Variants in CMYA5 observed in about 807,000 individuals in gnomAD.
The protein encoded by CMYA5 is cardiomyopathy associated 5.
CMYA5 carries 246 observed loss-of-function variants against 318.9 expected under a neutral mutation model. The ratio of observed to expected loss-of-function variants is 0.77; its 90% CI spans 0.70 to 0.86. CMYA5 has a LOEUF of 0.86. Ranked by LOEUF, CMYA5 falls within the 40% of genes least tolerant of loss-of-function variation. The probability of loss-of-function intolerance (pLI) is 0.00; values close to 1 mark genes in which losing one functional copy is unlikely to be tolerated. For synonymous variants in CMYA5, 1,641 were observed against 1,729.5 expected (o/e 0.95, Z 1.27); for missense variants, 4,589 against 4,678.2 (o/e 0.98, Z 0.56).
At position 79,709,063 on chromosome 5, in the gene CMYA5, G is replaced by A. The variant is rs756191735; in HGVS notation, c.149+19007G>A. ...CAGAGAAGAAAGTGAGGTAAGAGCC[G>A]GCTCAGTGACACTTTGGTTTTCTAC... On this transcript the variant is annotated intron_variant, in intron 1 of 12. Transcript: ENST00000446378. Among the ~76,000 whole-genome samples the A allele has an allele frequency of 9.2e-5, 14 of 152,178 alleles. No homozygotes were observed. In the East Asian group the frequency reaches 1.4e-3, roughly 15 times the overall value.
At chr5:79,752,538 CT>C in intron 5 of CMYA5, 137 bp from the exon 6 acceptor site, 2 of 529,986 alleles carry the variant, frequency 3.8e-6, no homozygotes, top group Non-Finnish European at 3.3e-6. Context: ...GCTTTAAATC[CT>C]TTTTTGGATA....
Position 79,791,082 on chromosome 5 carries a change from A to G in CMYA5, c.11789+13A>G, listed in dbSNP as rs948459349. 3 of 1,593,160 alleles carry G rather than the reference A, an allele frequency of 1.9e-6. No homozygotes were observed. The highest frequency in any genetic ancestry group is 2.7e-5 in the African/African-American group (2 of 74,532). On this transcript the variant is annotated intron_variant, in intron 11 of 12. Transcript: ENST00000446378. ...GACGGCTGACGGAGTAAGTAGAAGAAGAAAGCACAAGTGGGCTGATGGCCC... is the reference window on the plus strand; with the variant it reads ...GACGGCTGACGGAGTAAGTAGAAGAGGAAAGCACAAGTGGGCTGATGGCCC...
chr5:79,741,444 C>T (rs2151089363), intron 2 of CMYA5, among the ~76,000 whole-genome samples: 1 of 152,258 alleles, frequency 6.6e-6, no homozygotes, highest in Middle Eastern at 3.4e-3. Flanking sequence ...AATTATCAGA[C>T]TCATTTTGAT....
At chr5:79,743,779 C>A (rs946869782) in intron 2 of CMYA5, 48 bp from the exon 3 acceptor site, 2 of 1,013,440 alleles carry the variant, frequency 2.0e-6, no homozygotes, top group Admixed American at 2.7e-5. Context: ...GGTTGAAGTT[C>A]TCTTCCTAAA....
intron 1 of CMYA5, among the ~76,000 whole-genome samples, chr5:79,699,808 T>A (rs1039847926): frequency 6.6e-6 from 1 of 152,224 alleles, no homozygotes; most frequent in Non-Finnish European, 1.5e-5. Flanking sequence ...TTAACCGTGT[T>A]GACTTATAAA....
At chr5:79,728,318 C>CTT (rs758781705) in intron 1 of CMYA5, among the ~76,000 whole-genome samples, 7 of 130,500 alleles carry the variant, frequency 5.4e-5, no homozygotes, top group African/African-American at 1.4e-4. Context: ...TTTTGAACAT[C>CTT]TTTTTTTTTT....
At chr5:79,739,643 C>T (rs1828171251) in intron 2 of CMYA5, among the ~76,000 whole-genome samples, 1 of 151,890 alleles carries the variant, frequency 6.6e-6, no homozygotes, top group Non-Finnish European at 1.5e-5. Flanking sequence ...CAACCAACCG[C>T]AGATCAAATA....
rs373246769 is a variant in CMYA5, at chr5:79,752,759, C to T, written c.11075C>T (p.Ser3692Leu). 21 of 1,613,360 alleles carry T rather than the reference C, an allele frequency of 1.3e-5. No homozygotes were observed. Among genetic ancestry groups the T allele is most frequent in the African/African-American group, 8.0e-5 (6 of 74,866 alleles). Residue 3692 changes from serine (S) to leucine (L), a missense_variant, in exon 6 of 13, where the codon TCG becomes TTG. Ser to Leu is a moderately radical substitution (Grantham distance 145). This residue lies in a region of CMYA5 where 2,431 missense variants were observed against 2,495.1 expected (regional missense o/e 0.97). Transcript: ENST00000446378. ...CTTTTCGAACATTATGATGACAGCT[C>T]GGCAAGAAGTGACCAGATGTTAAAA... ...FSLFEHYDDS[S>L]ARSDQMLKQV...
chr5:79,748,055 A>G (rs1828360619), intron 5 of CMYA5, among the ~76,000 whole-genome samples: 2 of 152,204 alleles, frequency 1.3e-5, no homozygotes, highest in Non-Finnish European at 1.5e-5. Context: ...ATTCAACAGA[A>G]TATTACCAGT....
intron 1 of CMYA5, among the ~76,000 whole-genome samples, chr5:79,709,427 T>C (rs953606360): frequency 2.6e-5 from 4 of 152,192 alleles, no homozygotes; most frequent in African/African-American, 9.6e-5. Flanking sequence ...ATGTTAACTA[T>C]TAAATAGGAA....
intron 1 of CMYA5, among the ~76,000 whole-genome samples, chr5:79,706,732 A>T (rs949896758): frequency 6.6e-6 from 1 of 152,198 alleles, no homozygotes; most frequent in African/African-American, 2.4e-5. Context: ...TGTGGGGGGA[A>T]GCACATCACG....
Position 79,725,210 on chromosome 5 carries a change from AC to A in CMYA5, c.150-3703del, listed in dbSNP as rs566595981. Among the ~76,000 whole-genome samples, 31 of 152,338 alleles carry A rather than the reference AC, an allele frequency of 2.0e-4. No homozygotes were observed. The South Asian group carries it at 6.4e-3, about 32-fold the overall frequency. ...TCACAATAGCAAAGACATGGAATCAACCTAAGTGCCCATCAACGGTGGATTG... is the reference window on the plus strand; with the variant it reads ...TCACAATAGCAAAGACATGGAATCAACTAAGTGCCCATCAACGGTGGATTG... On this transcript the variant is annotated intron_variant, in intron 1 of 12. Transcript: ENST00000446378.
chr5:79,742,151 T>G, intron 2 of CMYA5, among the ~76,000 whole-genome samples: 1 of 141,748 alleles, frequency 7.1e-6, no homozygotes, highest in African/African-American at 2.6e-5. Context: ...TTCCTCCCCC[T>G]CTTCCTTTCC....
At chr5:79,723,482 C>T (rs1202477679) in intron 1 of CMYA5, among the ~76,000 whole-genome samples, 5 of 146,444 alleles carry the variant, frequency 3.4e-5, no homozygotes, top group Admixed American at 6.9e-5. Context: ...AGATTACAGG[C>T]TGGCCATGGT....
chr5:79,734,300 T>G lies in CMYA5; in HGVS notation c.5535T>G (p.Asp1845Glu). The G allele has an allele frequency of 6.2e-7, 1 of 1,613,710 alleles. No homozygotes were observed. Among genetic ancestry groups the G allele is most frequent in the Non-Finnish European group, 8.5e-7 (1 of 1,179,762 alleles). The stretch of plus-strand genomic sequence containing the variant: ...CTGATGTAAGCACCTCTTCTGAAGA[T>G]AAACAAGATCTGGGTATTAAGCAGT... The part of the protein sequence containing the change: ...KLPDVSTSSE[D>E]KQDLGIKQFS... Residue 1845 changes from aspartate (D) to glutamate (E), a missense_variant, in exon 2 of 13, where the codon GAT (aspartate) becomes GAG (glutamate). By Grantham distance (45) the Asp-to-Glu change is conservative. This residue lies in a region of CMYA5 where 2,132 missense variants were observed against 2,131.3 expected (regional missense o/e 1.00). Transcript: ENST00000446378.
intron 1 of CMYA5, among the ~76,000 whole-genome samples, chr5:79,697,788 A>C (rs1279785974): frequency 3.9e-5 from 6 of 152,148 alleles, no homozygotes. Flanking sequence ...ATTTGAGTAC[A>C]ATTTTGCTAT....
intron 9 of CMYA5, among the ~76,000 whole-genome samples, chr5:79,776,240 T>C (rs1828937165): frequency 6.6e-6 from 1 of 152,102 alleles, no homozygotes. Context: ...GAACTAAGAG[T>C]GAGACGCTTA....
rs369651572 is a variant in CMYA5, at chr5:79,729,809, T to C, written c.1044T>C (p.Ser348=). 6.3e-5 allele frequency: 101 copies of C among 1,613,744 alleles called. No individual in the cohort carries two copies. The highest frequency in any genetic ancestry group is 1.1e-5 in the South Asian group (1 of 91,030). ...ACACAGTTCCCTCTTATTCAAGTAG[T>C]GGCAGAGCAGAACAAGGAATACAGC... ...LEHTVPSYSS[S]GRAEQGIQLR... Residue 348 remains serine (S), a synonymous_variant, in exon 2 of 13, where the codon AGT becomes AGC. Coordinates refer to ENST00000446378, the MANE Select transcript of CMYA5 (RefSeq NM_153610.5).
In CMYA5 at chr5:79,729,746, T is replaced by G; in HGVS notation, c.981T>G (p.Tyr327Ter). The change falls in exon 2 of 13, where the codon TAT becomes TAG. Residue 327 changes from tyrosine to a stop codon, truncating the protein, a stop_gained. Transcript: ENST00000446378. LOFTEE classifies it high-confidence loss of function. ...MFSHEDQKKI[Y>*]ADSPLNATSA... Reference sequence around the variant, plus strand: ...GTCATGAAGATCAAAAGAAAATTTATGCTGATTCTCCCCTAAATGCCACAT... The same window carrying G: ...GTCATGAAGATCAAAAGAAAATTTAGGCTGATTCTCCCCTAAATGCCACAT... The G allele has an allele frequency of 6.2e-7, 1 of 1,613,978 alleles. No homozygotes were observed.
Sources: gnomAD v4.1 joint callset for allele counts (sites outside exome capture counted in the v4.1 genomes callset) on GRCh38, gnomAD v4.1.1 for gene constraint, gnomAD v4.1.1 regional missense constraint, MANE v1.5 for transcripts, NCBI Gene and HGNC (gene_info 2026-07-23, HGNC 2026-07-21) for gene names.